The following CHERP variants were observed in gnomAD, a reference collection of about 807,000 sequenced individuals.
The protein encoded by CHERP is calcium homeostasis endoplasmic reticulum protein, also known as ERPROT 213-21.
A neutral mutation model predicts 113.8 loss-of-function variants in CHERP; 8 were observed. The ratio of observed to expected loss-of-function variants is 0.07; its 90% CI spans 0.04 to 0.13. The LOEUF (loss-of-function observed/expected upper bound fraction) is 0.13. Among genes scored for constraint, CHERP ranks in the 10% least tolerant of loss-of-function variants. The pLI is 1.00. For synonymous variants in CHERP, 559 were observed against 524.5 expected (o/e 1.07, Z -0.90); for missense variants, 884 against 1,298.2 (o/e 0.68, Z 4.90).
chr19:16,526,608 T>C (rs565165118), intron 9 of CHERP, among the ~76,000 whole-genome samples: 2 of 151,930 alleles, frequency 1.3e-5, no homozygotes, highest in South Asian at 2.1e-4. Flanking sequence ...GCTGGGATTA[T>C]AGGCGCCTGG....
chr19:16,520,734 G>T lies in CHERP; in HGVS notation c.2201+92C>A. On this transcript the variant is annotated intron_variant, in intron 13 of 16. Transcript: ENST00000546361. The surrounding 1 kb of genome is among the most constrained non-coding windows in gnomAD (Gnocchi z 4.0). ...CCCCATAGGCACAGGCTGTGTGAGG[G>T]TGGACGTGATGAGTGTATCTGGGGT... 1 of 1,314,514 alleles carries T rather than the reference G, an allele frequency of 7.6e-7. No individual in the cohort carries two copies. The highest frequency in any genetic ancestry group is 1.1e-6 in the Non-Finnish European group (1 of 915,316). The allele number at this position is 1,314,514 out of a possible 1,614,324, so 81.4% of individuals were successfully genotyped here. A position where few individuals can be genotyped will look rare whatever the true frequency, so the allele number is the denominator to read the frequency against.
At position 16,531,495 on chromosome 19, in the gene CHERP, C is replaced by T. The variant is rs142420355; in HGVS notation, c.675-615G>A. Reference sequence around the variant, plus strand: ...CCCCTGCCGCTGCGCAGGGAGATGGCTGCCCCTGGGGAGGGACGCAAGACA... The same window carrying T: ...CCCCTGCCGCTGCGCAGGGAGATGGTTGCCCCTGGGGAGGGACGCAAGACA... On this transcript the variant is annotated intron_variant, in intron 5 of 16. Coordinates refer to ENST00000546361, the MANE Select transcript of CHERP (RefSeq NM_006387.6). 6.5e-3 allele frequency among the ~76,000 whole-genome samples: 991 copies of T among 152,292 alleles called. 12 individuals carry two copies. Among genetic ancestry groups the T allele is most frequent in the African/African-American group, 0.023 (946 of 41,558 alleles).
At position 16,520,178 on chromosome 19, in the gene CHERP, G is replaced by C; in HGVS notation, c.2433C>G (p.Arg811=). ...GGGTGGGGCTCCTGGACCGTGACCG[G>C]CGTCTTCTTCCTGGGGAGTACGACT... The part of the protein sequence containing the change: ...RSKSYSPGRR[R]RSRSRSPTPP... Residue 811 remains arginine (R), a synonymous_variant, in exon 15 of 17, where the codon CGC becomes CGG. Transcript: ENST00000546361. The surrounding 1 kb of genome is among the most constrained non-coding windows in gnomAD (Gnocchi z 4.0). 1 of 1,613,092 alleles carries C rather than the reference G, an allele frequency of 6.2e-7. No individual in the cohort carries two copies. Among genetic ancestry groups the C allele is most frequent in the African/African-American group, 1.3e-5 (1 of 75,054 alleles).
Position 16,533,026 on chromosome 19 carries a change from G to A in CHERP, c.507C>T (p.Thr169=). 6.4e-7 allele frequency: 1 copy of A among 1,568,376 alleles called. No individual in the cohort carries two copies. Among genetic ancestry groups the A allele is most frequent in the Non-Finnish European group, 8.7e-7 (1 of 1,155,866 alleles). Residue 169 remains threonine (T), a synonymous_variant, in exon 4 of 17, where the codon ACC becomes ACT. Coordinates refer to ENST00000546361, the MANE Select transcript of CHERP (RefSeq NM_006387.6). ...GGCCCCTCACCGAGATGGCGTCCTTGGTGCACGTGTCGATGATGGGCTGCA... is the reference window on the plus strand; with the variant it reads ...GGCCCCTCACCGAGATGGCGTCCTTAGTGCACGTGTCGATGATGGGCTGCA... The part of the protein sequence containing the change: ...NLLQPIIDTC[T]KDAISAGKNW...
chr19:16,524,970 G>T (rs988662451), intron 10 of CHERP, among the ~76,000 whole-genome samples: 5 of 152,094 alleles, frequency 3.3e-5, no homozygotes. Flanking sequence ...ACGAGGCCCC[G>T]CCCTGCCCTC....
In CHERP at chr19:16,535,433, G is replaced by A. The variant is rs768366651; in HGVS notation, c.384+19C>T. 1 of 1,603,648 alleles carries A rather than the reference G, an allele frequency of 6.2e-7. No homozygotes were observed. The highest frequency in any genetic ancestry group is 8.5e-7 in the Non-Finnish European group (1 of 1,175,654). ...AGGGGAGCTGCTGGTGTCTGGCCGA[G>A]GAGGCGGCGGGCCCATACCTGTCTG... On this transcript the variant is annotated intron_variant, in intron 3 of 16. Coordinates refer to ENST00000546361, the MANE Select transcript of CHERP (RefSeq NM_006387.6). This position sits in a 1 kb window ranked among gnomAD's most constrained non-coding sequence, Gnocchi z 4.3.
Position 16,525,218 on chromosome 19 carries a change from C to A in CHERP, c.1741+24G>T, listed in dbSNP as rs1191171349. On this transcript the variant is annotated intron_variant, in intron 10 of 16. Coordinates refer to ENST00000546361, the MANE Select transcript of CHERP (RefSeq NM_006387.6). The surrounding 1 kb of genome is among the most constrained non-coding windows in gnomAD (Gnocchi z 6.5). The stretch of plus-strand genomic sequence containing the variant: ...GAGCCGTGGATGCCTCCGCCAGGCC[C>A]TACCCAGGCGCCCGTACACTCACCG... 8 of 1,408,546 alleles carry A rather than the reference C, an allele frequency of 5.7e-6. No homozygotes were observed. The highest frequency in any genetic ancestry group is 7.4e-6 in the Non-Finnish European group (8 of 1,080,976). The allele number at this position is 1,408,546 out of a possible 1,614,324, so 87.3% of individuals were successfully genotyped here.
Position 16,535,069 on chromosome 19 carries a change from T to C in CHERP, c.384+383A>G, listed in dbSNP as rs1381655956. On this transcript the variant is annotated intron_variant, in intron 3 of 16. Transcript: ENST00000546361. This position sits in a 1 kb window ranked among gnomAD's most constrained non-coding sequence, Gnocchi z 4.3. ...CCAGCCTGGGCGACAGAACAAGACT[T>C]AAAAAAAAAAAAGGGTCCTTCCCCA... 7.0e-6 allele frequency among the ~76,000 whole-genome samples: 1 copy of C among 142,046 alleles called. No homozygotes were observed. Among genetic ancestry groups the C allele is most frequent in the Admixed American group, 7.0e-5 (1 of 14,330 alleles). The allele number at this position is 142,046 out of a possible 152,430, so 93.2% of individuals were successfully genotyped here.
chr19:16,542,197 G>T, intron 1 of CHERP, 154 bp from the exon 2 acceptor site: 1 of 1,074,328 alleles, frequency 9.3e-7, no homozygotes, highest in Non-Finnish European at 1.3e-6. Context: ...GGGGCCACAC[G>T]CTCGCCGGGA....
chr19:16,519,610 C>G lies in CHERP; in HGVS notation c.2557+11G>C. On this transcript the variant is annotated intron_variant, in intron 16 of 16. Transcript: ENST00000546361. This position sits in a 1 kb window ranked among gnomAD's most constrained non-coding sequence, Gnocchi z 6.0. ...GACCCATCCCGCGCCCTCCCCATTC[C>G]CTCGCCTTACCCATCTTCACCAGCA... 2 of 1,613,008 alleles carry G rather than the reference C, an allele frequency of 1.2e-6. No individual in the cohort carries two copies. Among genetic ancestry groups the G allele is most frequent in the Non-Finnish European group, 1.7e-6 (2 of 1,179,028 alleles).
intron 2 of CHERP, among the ~76,000 whole-genome samples, chr19:16,537,752 C>T (rs1015606363): frequency 1.3e-5 from 2 of 152,158 alleles, no homozygotes; most frequent in African/African-American, 2.4e-5. Context: ...CATCAGGTCC[C>T]ATCCCTCTAC....
rs1419740084 is a variant in CHERP at position 16,525,410 on chromosome 19, G to A, written c.1573C>T (p.Pro525Ser). 1 of 1,509,140 alleles carries A rather than the reference G, an allele frequency of 6.6e-7. No individual in the cohort carries two copies. The allele number at this position is 1,509,140 out of a possible 1,614,324, so 93.5% of individuals were successfully genotyped here. The change falls in exon 10 of 17, where the codon CCC becomes TCC. Residue 525 changes from proline to serine, a missense_variant. By Grantham distance (74) the Pro-to-Ser change is moderately conservative. Transcript: ENST00000546361. The surrounding 1 kb of genome is among the most constrained non-coding windows in gnomAD (Gnocchi z 6.5). Reference protein sequence around the residue: ...RMQRPPHFRGPFPPHQQHPQF... With the variant: ...RMQRPPHFRGSFPPHQQHPQF... ...GGGTGCTGCTGGTGGGGCGGGAAGGGCCCCCGGAAGTGTGGGGGCCGCTGC... is the reference window on the plus strand; with the variant it reads ...GGGTGCTGCTGGTGGGGCGGGAAGGACCCCCGGAAGTGTGGGGGCCGCTGC...
At position 16,519,585 on chromosome 19, in the gene CHERP, G is replaced by T; in HGVS notation, c.2557+36C>A. 2 of 1,568,242 alleles carry T rather than the reference G, an allele frequency of 1.3e-6. No individual in the cohort carries two copies. Among genetic ancestry groups the T allele is most frequent in the Non-Finnish European group, 1.8e-6 (2 of 1,138,620 alleles). On this transcript the variant is annotated intron_variant, in intron 16 of 16. Coordinates refer to ENST00000546361, the MANE Select transcript of CHERP (RefSeq NM_006387.6). This position sits in a 1 kb window ranked among gnomAD's most constrained non-coding sequence, Gnocchi z 6.0. Reference sequence around the variant, plus strand: ...GACTCCCGGGCCCAGCACGCGTGAGGACCCATCCCGCGCCCTCCCCATTCC... The same window carrying T: ...GACTCCCGGGCCCAGCACGCGTGAGTACCCATCCCGCGCCCTCCCCATTCC...
chr19:16,524,427 A>G (rs908212439), intron 10 of CHERP, among the ~76,000 whole-genome samples: 2 of 152,006 alleles, frequency 1.3e-5, no homozygotes. Flanking sequence ...ATGGTGGCGC[A>G]CACCTGTAAT....
intron 3 of CHERP, among the ~76,000 whole-genome samples, chr19:16,534,283 C>T (rs2085727123): frequency 6.6e-6 from 1 of 152,050 alleles, no homozygotes; most frequent in Non-Finnish European, 1.5e-5. Flanking sequence ...AACTCCTGAC[C>T]CTGTGATCCG....
At position 16,534,052 on chromosome 19, in the gene CHERP, CT is replaced by C. The variant is rs200659711; in HGVS notation, c.385-905del. On this transcript the variant is annotated intron_variant, in intron 3 of 16. Coordinates refer to ENST00000546361, the MANE Select transcript of CHERP (RefSeq NM_006387.6). The stretch of plus-strand genomic sequence containing the variant: ...GGTGAGCATTCTGGAACTTTCTTTT[CT>C]TTTCTTTTTTTTTTTTTTGAGATGG... Among the ~76,000 whole-genome samples, 37 of 133,846 alleles carry C rather than the reference CT, an allele frequency of 2.8e-4. 1 individual carries two copies. The highest frequency in any genetic ancestry group is 3.9e-3 in the Middle Eastern group (1 of 258). The allele number at this position is 133,846 out of a possible 152,430, so 87.8% of individuals were successfully genotyped here.
intron 2 of CHERP, among the ~76,000 whole-genome samples, chr19:16,536,416 G>T (rs1056799420): frequency 6.6e-5 from 10 of 152,170 alleles, no homozygotes; most frequent in African/African-American, 2.4e-4. Flanking sequence ...GGGCCGCCTG[G>T]TCTAAATGTG....
At chr19:16,538,386 C>T (rs2085755323) in intron 2 of CHERP, among the ~76,000 whole-genome samples, 1 of 152,186 alleles carries the variant, frequency 6.6e-6, no homozygotes, top group Non-Finnish European at 1.5e-5. Flanking sequence ...TATCATCACC[C>T]ACAGAAAGCA....
Position 16,538,187 on chromosome 19 carries a change from C to T in CHERP, c.200-2551G>A, listed in dbSNP as rs1037282977. Among the ~76,000 whole-genome samples the T allele has an allele frequency of 7.9e-5, 12 of 152,228 alleles. No individual in the cohort carries two copies. In the South Asian group the frequency reaches 1.5e-3, roughly 18 times the overall value. ...CCCCAAGCCAGGCCTCCAACTCCTCCCCAAGCCAGGCTCCCAATTCTGCAC... is the reference window on the plus strand; with the variant it reads ...CCCCAAGCCAGGCCTCCAACTCCTCTCCAAGCCAGGCTCCCAATTCTGCAC... On this transcript the variant is annotated intron_variant, in intron 2 of 16. Coordinates refer to ENST00000546361, the MANE Select transcript of CHERP (RefSeq NM_006387.6).
Sources: gnomAD v4.1 joint callset for allele counts (sites outside exome capture counted in the v4.1 genomes callset) on GRCh38, gnomAD v4.1.1 for gene constraint, Gnocchi (gnomAD v3.1) non-coding constraint, MANE v1.5 for transcripts, NCBI Gene and HGNC (gene_info 2026-07-23, HGNC 2026-07-21) for gene names.